The following COL24A1 variants were observed in gnomAD, a reference collection of about 807,000 sequenced individuals.
COL24A1 encodes the protein collagen alpha-1(XXIV) chain.
In COL24A1, 224 loss-of-function variants were observed where a neutral mutation model predicts 253.9. That is an observed-to-expected ratio of 0.88 (90% CI 0.79 to 0.99). The LOEUF is 0.99. Among genes scored for constraint, COL24A1 ranks in the 50% least tolerant of loss-of-function variants. The probability of loss-of-function intolerance (pLI) is 0.00; values close to 1 mark genes in which losing one functional copy is unlikely to be tolerated. For missense variants in COL24A1, 2,131 were observed against 2,068.5 expected (o/e 1.03, Z -0.59); for synonymous variants, 685 against 673.7 (o/e 1.02, Z -0.26).
chr1:85,950,249 C>A (rs1404555445), intron 24 of COL24A1, among the ~76,000 whole-genome samples: 36 of 152,080 alleles, frequency 2.4e-4, no homozygotes, highest in Admixed American at 2.4e-3. Flanking sequence ...GTCTGACAAA[C>A]AATTGGTATC....
chr1:85,793,735 T>C (rs1270766402), intron 47 of COL24A1, among the ~76,000 whole-genome samples: 1 of 152,198 alleles, frequency 6.6e-6, no homozygotes, highest in Non-Finnish European at 1.5e-5. Context: ...AGTCATGAGA[T>C]GGTGCCATTT....
At chr1:85,865,597 G>T (rs1022825916) in intron 37 of COL24A1, among the ~76,000 whole-genome samples, 1 of 151,896 alleles carries the variant, frequency 6.6e-6, no homozygotes, top group Non-Finnish European at 1.5e-5. Context: ...TTCCTCTTTG[G>T]GATTCCTTGC....
intron 19 of COL24A1, among the ~76,000 whole-genome samples, chr1:86,003,046 A>G (rs1695588448): frequency 6.6e-6 from 1 of 152,166 alleles, no homozygotes; most frequent in African/African-American, 2.4e-5. Flanking sequence ...ACCCTTTAGT[A>G]TTGGAGGTAT....
At chr1:85,843,176 T>C (rs1676808149) in intron 39 of COL24A1, among the ~76,000 whole-genome samples, 1 of 152,312 alleles carries the variant, frequency 6.6e-6, no homozygotes, top group South Asian at 2.1e-4. Flanking sequence ...GAACTAAGTC[T>C]CTTGATTCTG....
chr1:85,820,377 A>G (rs1396934563), intron 45 of COL24A1, among the ~76,000 whole-genome samples: 1 of 152,172 alleles, frequency 6.6e-6, no homozygotes, highest in East Asian at 1.9e-4. Flanking sequence ...AATGTTATTT[A>G]TATGTGGCCA....
intron 10 of COL24A1, among the ~76,000 whole-genome samples, chr1:86,055,579 T>C (rs953102400): frequency 5.3e-5 from 8 of 152,180 alleles, no homozygotes; most frequent in African/African-American, 1.4e-4. Context: ...GCCAAATATA[T>C]TTTGCATATA....
intron 24 of COL24A1, among the ~76,000 whole-genome samples, chr1:85,945,282 G>A (rs1346202167): frequency 6.6e-6 from 1 of 151,624 alleles, no homozygotes; most frequent in African/African-American, 2.4e-5. Flanking sequence ...GCCTCCCAAA[G>A]TGCTGGGATT....
At chr1:86,063,935 C>A (rs186303654) in intron 7 of COL24A1, among the ~76,000 whole-genome samples, 176 bp from the exon 8 acceptor site, 7 of 151,664 alleles carry the variant, frequency 4.6e-5, no homozygotes, top group African/African-American at 1.2e-4. Flanking sequence ...ATAAGAATTA[C>A]TTTTTTATTA....
intron 5 of COL24A1, among the ~76,000 whole-genome samples, chr1:86,096,329 A>C (rs12728287): frequency 0.39 from 59,625 of 151,954 alleles, 11,861 homozygotes; most frequent in Admixed American, 0.47. Context: ...TTGTGAGAAT[A>C]TCACAAAGGA....
intron 19 of COL24A1, among the ~76,000 whole-genome samples, chr1:86,012,962 G>GTGT (rs530623230): frequency 5.1e-4 from 77 of 152,212 alleles, no homozygotes; most frequent in African/African-American, 1.7e-3. Flanking sequence ...TATGGTGGTG[G>GTGT]TGGTGGTGGC....
intron 19 of COL24A1, among the ~76,000 whole-genome samples, chr1:85,992,091 G>A (rs1196762281): frequency 6.7e-6 from 1 of 149,660 alleles, no homozygotes; most frequent in Non-Finnish European, 1.5e-5. Context: ...CCCCACAACA[G>A]GCCCCAGTGT....
At chr1:85,816,107 C>T (rs1360522581) in intron 47 of COL24A1, among the ~76,000 whole-genome samples, 1 of 152,058 alleles carries the variant, frequency 6.6e-6, no homozygotes, top group Non-Finnish European at 1.5e-5. Context: ...ACTGCCAAAC[C>T]TGCCAAAAGT....
intron 57 of COL24A1, among the ~76,000 whole-genome samples, chr1:85,739,643 T>C (rs1365759639): frequency 1.3e-5 from 2 of 152,234 alleles, no homozygotes; most frequent in African/African-American, 4.8e-5. Context: ...ACTATTTTTC[T>C]ATGACAATTT....
intron 5 of COL24A1, among the ~76,000 whole-genome samples, chr1:86,105,147 C>T (rs556026196): frequency 6.6e-6 from 1 of 152,234 alleles, no homozygotes; most frequent in South Asian, 2.1e-4. Flanking sequence ...CTGGCAGGAG[C>T]AGGGCTGGAA....
intron 53 of COL24A1, among the ~76,000 whole-genome samples, chr1:85,767,670 G>C (rs761995582): frequency 1.3e-5 from 2 of 151,228 alleles, no homozygotes; most frequent in Non-Finnish European, 2.9e-5. Flanking sequence ...AGCATATTTA[G>C]TTGCCTACTC....
intron 53 of COL24A1, among the ~76,000 whole-genome samples, chr1:85,773,420 G>A (rs530938856): frequency 5.9e-5 from 9 of 152,162 alleles, no homozygotes; most frequent in Non-Finnish European, 1.2e-4. Context: ...GTCATTGGTA[G>A]CTTGATGGGG....
chr1:85,802,071 C>T (rs534385515), intron 47 of COL24A1, among the ~76,000 whole-genome samples: 1 of 152,276 alleles, frequency 6.6e-6, no homozygotes, highest in South Asian at 2.1e-4. Context: ...CCGTGAACAC[C>T]TATAGCCTGG....
intron 7 of COL24A1, among the ~76,000 whole-genome samples, chr1:86,064,235 C>A (rs12756057): frequency 0.12 from 17,524 of 151,988 alleles, 1,089 homozygotes; most frequent in Non-Finnish European, 0.14. Flanking sequence ...CATAACACCC[C>A]ATGAATGAGG....
rs116380005 is a variant in COL24A1, at chr1:85,755,072, C to T, written c.4437+6324G>A. On this transcript the variant is annotated intron_variant, in intron 55 of 59. Coordinates refer to ENST00000370571, the MANE Select transcript of COL24A1 (RefSeq NM_152890.7). Reference sequence around the variant, plus strand: ...AAGCAGAGAGGAAGCTCATCATGTCCGAGAGATCTTCAACCAGATTAACAG... The same window carrying T: ...AAGCAGAGAGGAAGCTCATCATGTCTGAGAGATCTTCAACCAGATTAACAG... Among the ~76,000 whole-genome samples the T allele has an allele frequency of 6.5e-3, 988 of 152,082 alleles. 11 individuals carry two copies. Among genetic ancestry groups the T allele is most frequent in the African/African-American group, 0.023 (951 of 41,472 alleles).
Sources: gnomAD v4.1 joint callset for allele counts (sites outside exome capture counted in the v4.1 genomes callset) on GRCh38, gnomAD v4.1.1 for gene constraint, MANE v1.5 for transcripts, NCBI Gene and HGNC (gene_info 2026-07-23, HGNC 2026-07-21) for gene names.